ZBTB41: variants seen among roughly 807,000 people sequenced by gnomAD.
The protein encoded by ZBTB41 is zinc finger and BTB domain-containing protein 41.
A neutral mutation model predicts 87.6 loss-of-function variants in ZBTB41; 42 were observed. That is an observed-to-expected ratio of 0.48 (90% CI 0.37 to 0.62). The LOEUF is 0.62. Among genes scored for constraint, ZBTB41 ranks in the 20% least tolerant of loss-of-function variants. The pLI, the probability that ZBTB41 is intolerant of heterozygous loss-of-function variation, is 0.00. For missense variants in ZBTB41, 799 were observed against 1,078.9 expected, an observed-to-expected ratio of 0.74 and a Z score of 3.63; for synonymous variants, 364 against 364.0, an observed-to-expected ratio of 1.00 and a Z score of 0.00.
chr1:197,171,723 CGAT>C (rs1659482814), intron 10 of ZBTB41, among the ~76,000 whole-genome samples: 1 of 151,664 alleles, frequency 6.6e-6, no homozygotes, highest in South Asian at 2.1e-4. Flanking sequence ...GAAAATGAAA[CGAT>C]GGTAACTTGG....
intron 6 of ZBTB41, among the ~76,000 whole-genome samples, chr1:197,179,060 T>C (rs931291251): frequency 6.6e-6 from 1 of 152,114 alleles, no homozygotes; most frequent in Non-Finnish European, 1.5e-5. Flanking sequence ...TATGAAACCA[T>C]TACTCCTCAA....
In ZBTB41 at chr1:197,201,271, T is replaced by C. The variant is rs1051445005; in HGVS notation, c.-166A>G. ...GGCTCCCAGCAGCTGAGCTCCACTC[T>C]GGGCGCGCTCGCTCCTGCGCCTACC... On this transcript the variant is annotated 5_prime_UTR_variant, in exon 1 of 11. Transcript: ENST00000367405. 2.6e-5 allele frequency among the ~76,000 whole-genome samples: 4 copies of C among 152,180 alleles called. No individual in the cohort carries two copies. Among genetic ancestry groups the C allele is most frequent in the Non-Finnish European group, 4.4e-5 (3 of 68,032 alleles).
rs1659010734 is a variant in ZBTB41 at position 197,154,234 on chromosome 1, T to C, written c.*5125A>G. ...TAACAATGAGATGTGTACATCCTCT[T>C]CATTCAATACATCTTTTAGAATCTC... On this transcript the variant is annotated 3_prime_UTR_variant, in exon 11 of 11. Transcript: ENST00000367405. The C allele has an allele frequency of 6.6e-6, 1 of 152,582 alleles. No individual in the cohort carries two copies. The highest frequency in any genetic ancestry group is 2.1e-4 in the South Asian group (1 of 4,826). 9.5% of individuals were successfully genotyped at this position (152,582 alleles called of 1,614,324 possible).
chr1:197,176,807 A>G, intron 7 of ZBTB41, 137 bp from the exon 8 acceptor site: 1 of 649,590 alleles, frequency 1.5e-6, no homozygotes, highest in South Asian at 1.9e-5. Flanking sequence ...CTTTATTTCT[A>G]TGACTTTCAG....
At chr1:197,190,633 T>C (rs557184545) in intron 4 of ZBTB41, 129 bp downstream of exon 4, 1 of 577,594 alleles carries the variant, frequency 1.7e-6, no homozygotes. Flanking sequence ...AGAATAATTT[T>C]ATATAAAAGG....
At chr1:197,174,915 C>A in intron 9 of ZBTB41, 95 bp downstream of exon 9, 1 of 887,970 alleles carries the variant, frequency 1.1e-6, no homozygotes, top group South Asian at 1.7e-5. Context: ...ACTGGTTAAC[C>A]TAACTTCAAT....
At chr1:197,186,782 T>C (rs967914088) in intron 5 of ZBTB41, among the ~76,000 whole-genome samples, 4 of 152,040 alleles carry the variant, frequency 2.6e-5, no homozygotes, top group African/African-American at 2.4e-5. Context: ...GAGAATCACT[T>C]GAACCTGGGA....
intron 10 of ZBTB41, among the ~76,000 whole-genome samples, chr1:197,167,666 C>T (rs1423918734): frequency 2.6e-5 from 4 of 151,970 alleles, no homozygotes; most frequent in Admixed American, 6.6e-5. Context: ...ATATGATCAC[C>T]TCAATCAATA....
chr1:197,198,410 ATAAGTAAGT>A (rs952310489), intron 2 of ZBTB41, among the ~76,000 whole-genome samples: 3 of 152,208 alleles, frequency 2.0e-5, no homozygotes, highest in African/African-American at 7.2e-5. Context: ...TATCAATAAC[ATAAGTAAGT>A]TAACACTGTA....
At chr1:197,195,523 A>T (rs1387313737) in intron 2 of ZBTB41, among the ~76,000 whole-genome samples, 1 of 152,178 alleles carries the variant, frequency 6.6e-6, no homozygotes, top group East Asian at 1.9e-4. Context: ...ACTTAGCCTT[A>T]GAGAGTTGTG....
In ZBTB41 at chr1:197,160,005, G is replaced by C. The variant is rs752336998; in HGVS notation, c.2084C>G (p.Pro695Arg). 1 of 1,610,810 alleles carries C rather than the reference G, an allele frequency of 6.2e-7. No individual in the cohort carries two copies. Among genetic ancestry groups the C allele is most frequent in the Non-Finnish European group, 8.5e-7 (1 of 1,177,754 alleles). The change falls in exon 11 of 11, where the codon CCA becomes CGA. Residue 695 changes from proline to arginine, a missense_variant. By Grantham distance (103) the Pro-to-Arg change is moderately radical. Transcript: ENST00000367405. ...CTGATTGCAAATTTGACACTTGTAT[G>C]GTTTTTCACCTATATGAATGAACAA... ...MHFRTHSGEKPYKCQICNQSF... is the reference protein window; with the variant it reads ...MHFRTHSGEKRYKCQICNQSF...
intron 10 of ZBTB41, among the ~76,000 whole-genome samples, chr1:197,168,281 G>A (rs1659397314): frequency 6.6e-6 from 1 of 151,960 alleles, no homozygotes; most frequent in Non-Finnish European, 1.5e-5. Flanking sequence ...TCACAGACTG[G>A]ATAATACGAT....
chr1:197,163,406 A>G (rs1294654594), intron 10 of ZBTB41, among the ~76,000 whole-genome samples: 2 of 152,130 alleles, frequency 1.3e-5, no homozygotes, highest in Non-Finnish European at 2.9e-5. Context: ...TATGTACAGG[A>G]CAATACAGGA....
chr1:197,160,491 G>C (rs1423215919), intron 10 of ZBTB41, among the ~76,000 whole-genome samples: 2 of 152,050 alleles, frequency 1.3e-5, no homozygotes, highest in Admixed American at 6.6e-5. Context: ...AACTAAAACA[G>C]CAATTCTAAT....
chr1:197,194,696 A>AT (rs1347308557), intron 2 of ZBTB41, among the ~76,000 whole-genome samples: 3 of 151,918 alleles, frequency 2.0e-5, no homozygotes, highest in African/African-American at 4.8e-5. Flanking sequence ...AAATCTCATG[A>AT]TTTTTTTAAA....
chr1:197,173,614 G>T (rs188455483), intron 9 of ZBTB41, among the ~76,000 whole-genome samples: 8 of 152,152 alleles, frequency 5.3e-5, no homozygotes, highest in African/African-American at 1.9e-4. Context: ...GTCTCACTTT[G>T]TTGCCCAGGC....
At chr1:197,199,099 C>T (rs1251443682) in intron 2 of ZBTB41, among the ~76,000 whole-genome samples, 1 of 152,074 alleles carries the variant, frequency 6.6e-6, no homozygotes, top group Non-Finnish European at 1.5e-5. Context: ...TGGAGTCTTT[C>T]ATAGCAAATA....
intron 5 of ZBTB41, 126 bp downstream of exon 5, chr1:197,188,166 G>T: frequency 9.3e-7 from 1 of 1,071,220 alleles, no homozygotes; most frequent in Non-Finnish European, 1.4e-6. Context: ...ATTTTGCTGT[G>T]AACCTAAAAC....
At chr1:197,196,822 C>G (rs1442153407) in intron 2 of ZBTB41, among the ~76,000 whole-genome samples, 1 of 152,156 alleles carries the variant, frequency 6.6e-6, no homozygotes, top group Non-Finnish European at 1.5e-5. Flanking sequence ...ACCTCAATGC[C>G]TTTGCACATG....
Sources: allele counts gnomAD v4.1 joint callset (sites outside exome capture counted in the v4.1 genomes callset), GRCh38; gene constraint gnomAD v4.1.1; transcripts MANE v1.5; gene names NCBI Gene and HGNC (gene_info 2026-07-23, HGNC 2026-07-21).